TBRG4: variants seen among roughly 807,000 people sequenced by gnomAD.
TBRG4 encodes transforming growth factor beta regulator 4.
A neutral mutation model predicts 65.6 loss-of-function variants in TBRG4; 43 were observed. That is an observed-to-expected ratio of 0.66 (90% confidence interval 0.51 to 0.85). The LOEUF (loss-of-function observed/expected upper bound fraction) is 0.85. TBRG4 is among the 40% of genes least tolerant of loss of function. TBRG4 has a pLI of 0.00. For missense variants in TBRG4, 709 were observed against 787.9 expected (o/e 0.90, Z 1.20); for synonymous variants, 366 against 341.4 (o/e 1.07, Z -0.79).
intron 3 of TBRG4, 159 bp from the exon 4 acceptor site, chr7:45,104,868 G>T: frequency 8.5e-7 from 1 of 1,175,934 alleles, no homozygotes; most frequent in Non-Finnish European, 1.2e-6. Context: ...TGCAGGGCCT[G>T]CCTCCTCATC....
intron 2 of TBRG4, chr7:45,107,054 G>A (rs536457000): frequency 1.3e-5 from 2 of 152,166 alleles, no homozygotes; most frequent in South Asian, 4.1e-4. Flanking sequence ...AGGTTTGCAG[G>A]AACGCTTTTG....
chr7:45,109,325 G>C, intron 1 of TBRG4, 38 bp from the exon 2 acceptor site: 2 of 1,470,352 alleles, frequency 1.4e-6, no homozygotes, highest in African/African-American at 2.8e-5. Flanking sequence ...CTACTACAGG[G>C]GCAGTTCCTG....
intron 1 of TBRG4, among the ~76,000 whole-genome samples, chr7:45,110,315 C>T (rs1488082199): frequency 6.6e-6 from 1 of 152,208 alleles, no homozygotes; most frequent in Non-Finnish European, 1.5e-5. Flanking sequence ...CCTTCCAAGG[C>T]CAAACTCAAT....
chr7:45,104,833 G>T, intron 3 of TBRG4, 124 bp from the exon 4 acceptor site: 1 of 1,431,926 alleles, frequency 7.0e-7, no homozygotes, highest in Non-Finnish European at 9.6e-7. Context: ...GACTGGGCCT[G>T]AGCTGACTAA....
chr7:45,101,296 G>GGGCCAGTAGACTCAGGCAA lies in TBRG4; in HGVS notation c.1755_1756insTTGCCTGAGTCTACTGGCC (p.Arg586LeufsTer24). 2 of 1,613,892 alleles carry GGGCCAGTAGACTCAGGCAA rather than the reference G, an allele frequency of 1.2e-6. No individual in the cohort carries two copies. The highest frequency in any genetic ancestry group is 1.7e-6 in the Non-Finnish European group (2 of 1,179,972). ...AAGCCTGCAGCCACTATGTGTCGCCGGGCCAGAACAAAGCGACCCAGCAAG... is the reference window on the plus strand; with the variant it reads ...AAGCCTGCAGCCACTATGTGTCGCCGGGCCAGTAGACTCAGGCAAGGCCAGAACAAAGCGACCCAGCAAG... On this transcript the variant is annotated frameshift_variant, in exon 10 of 11. Coordinates refer to ENST00000258770, the MANE Select transcript of TBRG4 (RefSeq NM_004749.4). LOFTEE classifies it high-confidence loss of function.
At chr7:45,100,519 C>T (rs916073845) in intron 10 of TBRG4, 93 bp from the exon 11 acceptor site, 6 of 954,224 alleles carry the variant, frequency 6.3e-6, no homozygotes, top group Non-Finnish European at 9.9e-6. Context: ...CACATTGACC[C>T]CTCACCCAAC....
intron 7 of TBRG4, 111 bp downstream of exon 7, chr7:45,102,236 G>C: frequency 6.4e-7 from 1 of 1,555,098 alleles, no homozygotes; most frequent in Non-Finnish European, 8.7e-7. Context: ...GATGGAGAGC[G>C]AGGGGGAGGG....
Position 45,104,239 on chromosome 7 carries a change from G to A in TBRG4, c.925C>T (p.Gln309Ter). The A allele has an allele frequency of 6.2e-7, 1 of 1,613,958 alleles. No homozygotes were observed. Among genetic ancestry groups the A allele is most frequent in the Admixed American group, 1.7e-5 (1 of 60,024 alleles). Residue 309 changes from glutamine (Q) to a stop codon, truncating the protein, a stop_gained, in exon 5 of 11, where the codon CAG (glutamine) becomes TAG (stop). Coordinates refer to ENST00000258770, the MANE Select transcript of TBRG4 (RefSeq NM_004749.4). LOFTEE classifies it high-confidence loss of function. ...AYAYGKLSFH[Q>*]TQVSQRLATD... ...GCCAGGCGCTGGGACACCTGGGTCTGGTGAAAGCTGAGTTTGCCTTCAGGA... is the reference window on the plus strand; with the variant it reads ...GCCAGGCGCTGGGACACCTGGGTCTAGTGAAAGCTGAGTTTGCCTTCAGGA...
At chr7:45,103,504 C>T (rs1784837400) in intron 5 of TBRG4, 61 bp from the exon 6 acceptor site, 1 of 1,357,696 alleles carries the variant, frequency 7.4e-7, no homozygotes, top group Admixed American at 2.0e-5. Flanking sequence ...CGCTGTCCTC[C>T]TGCCTGGCTC....
intron 10 of TBRG4, among the ~76,000 whole-genome samples, 191 bp from the exon 11 acceptor site, chr7:45,100,617 G>A (rs113108041): frequency 0.019 from 2,846 of 152,328 alleles, 52 homozygotes; most frequent in Non-Finnish European, 0.023. Flanking sequence ...AGTGCGGGCG[G>A]GGAGAGGTGC....
At chr7:45,102,675 G>C in intron 6 of TBRG4, 184 bp from the exon 7 acceptor site, 1 of 740,410 alleles carries the variant, frequency 1.4e-6, no homozygotes, top group African/African-American at 1.8e-5. Flanking sequence ...GGGCTTGAAG[G>C]TACCAGGAAT....
chr7:45,105,321 C>A, intron 3 of TBRG4, 120 bp downstream of exon 3: 1 of 1,142,050 alleles, frequency 8.8e-7, no homozygotes, highest in Non-Finnish European at 1.2e-6. Flanking sequence ...CAGACAGAAG[C>A]TCCCAGGGCT....
chr7:45,101,781 C>T lies in TBRG4; in HGVS notation c.1567+44G>A, dbSNP rs370036521. On this transcript the variant is annotated intron_variant, in intron 8 of 10. Coordinates refer to ENST00000258770, the MANE Select transcript of TBRG4 (RefSeq NM_004749.4). ...GGTGGGTTAGAAGAGTCCCGTTAGA[C>T]TCAGGCAATGCCAGGCCCTGTGCCA... The T allele has an allele frequency of 7.5e-6, 12 of 1,599,954 alleles. No homozygotes were observed. In the African/African-American group the frequency reaches 1.3e-4, roughly 18 times the overall value.
intron 6 of TBRG4, chr7:45,103,023 G>C: frequency 2.3e-6 from 1 of 443,752 alleles, no homozygotes; most frequent in Non-Finnish European, 4.2e-6. Context: ...TCCCCCTCCT[G>C]CCCTGAGCTG....
At position 45,108,875 on chromosome 7, in the gene TBRG4, G is replaced by A. The variant is rs1337669926; in HGVS notation, c.363C>T (p.Leu121=). ...GTTGATGAAAGTGGGCATCCTGTAT[G>A]AGCAAGCCTTTATCTTCTGGCTTCT... ...LSEKPEDKGL[L]IQDAHFHQLL... is the part of the protein sequence containing the mutation. The change falls in exon 2 of 11, where the codon CTC becomes CTT. Residue 121 remains leucine (L), a synonymous_variant. Coordinates refer to ENST00000258770, the MANE Select transcript of TBRG4 (RefSeq NM_004749.4). 1 of 1,569,304 alleles carries A rather than the reference G, an allele frequency of 6.4e-7. No homozygotes were observed. The highest frequency in any genetic ancestry group is 1.9e-5 in the Admixed American group (1 of 52,830).
At chr7:45,108,782 T>G in intron 2 of TBRG4, 45 bp downstream of exon 2, 1 of 1,467,572 alleles carries the variant, frequency 6.8e-7, no homozygotes, top group Non-Finnish European at 9.0e-7. Context: ...CATTTCTGGC[T>G]GTTTTCCTCT....
chr7:45,105,577 G>A lies in TBRG4; in HGVS notation c.599C>T (p.Ser200Leu), dbSNP rs755237535. ...GAGCAGCTCAGCCAGCAGCTCCTGC[G>A]AGTGCTGCTCCTGTGAGAGGGTGGC... ...SCATLSQEQHSQELLAELLTH... is the reference protein window; with the variant it reads ...SCATLSQEQHLQELLAELLTH... The change falls in exon 3 of 11, where the codon TCG becomes TTG. Residue 200 changes from serine (S) to leucine (L), a missense_variant. Ser to Leu is a moderately radical substitution (Grantham distance 145, BLOSUM62 -2). Transcript: ENST00000258770. 16 of 1,614,030 alleles carry A rather than the reference G, an allele frequency of 9.9e-6. No homozygotes were observed. Among genetic ancestry groups the A allele is most frequent in the South Asian group, 6.6e-5 (6 of 91,086 alleles).
In TBRG4 at chr7:45,101,937, A is replaced by C; in HGVS notation, c.1455T>G (p.Leu485=). Residue 485 remains leucine (L), a synonymous_variant, in exon 8 of 11, where the codon CTT becomes CTG. Coordinates refer to ENST00000258770, the MANE Select transcript of TBRG4 (RefSeq NM_004749.4). ...ASAVAPGPSA[L]DRKVTPLQKE... is the part of the protein sequence containing the mutation. ...TTTGCAGGGGGGTCACCTTCCTGTC[A>C]AGGGCTGAGGGCCCAGGGGCCACAG... 1 of 1,608,950 alleles carries C rather than the reference A, an allele frequency of 6.2e-7. No individual in the cohort carries two copies. Among genetic ancestry groups the C allele is most frequent in the Non-Finnish European group, 8.5e-7 (1 of 1,177,984 alleles).
At chr7:45,107,733 G>A (rs1785005172) in intron 2 of TBRG4, 1 of 154,664 alleles carries the variant, frequency 6.5e-6, no homozygotes, top group African/African-American at 2.4e-5. Flanking sequence ...ACAGATACTT[G>A]CCTTATAATT....
Sources: allele counts gnomAD v4.1 joint callset (sites outside exome capture counted in the v4.1 genomes callset), GRCh38; gene constraint gnomAD v4.1.1; transcripts MANE v1.5; gene names NCBI Gene and HGNC (gene_info 2026-07-23, HGNC 2026-07-21).